Variants in SNTG1 observed in about 807,000 individuals in gnomAD.
The protein encoded by SNTG1 is gamma-1-syntrophin.
A neutral mutation model predicts 74.7 loss-of-function variants in SNTG1; 39 were observed. The ratio of observed to expected loss-of-function variants is 0.52; its 90% CI spans 0.40 to 0.68. SNTG1 has a LOEUF of 0.68. SNTG1 is among the 30% of genes least tolerant of loss of function. SNTG1 has a pLI of 0.00. For synonymous variants in SNTG1, 254 were observed against 217.1 expected (o/e 1.17, Z -1.49); for missense variants, 685 against 609.5 (o/e 1.12, Z -1.30).
chr8:50,769,408 C>T (rs968093503), intron 18 of SNTG1, among the ~76,000 whole-genome samples: 5 of 151,796 alleles, frequency 3.3e-5, no homozygotes, highest in East Asian at 1.9e-4. Flanking sequence ...AGTTGAAGAC[C>T]TTCTGGAAGC....
intron 1 of SNTG1, among the ~76,000 whole-genome samples, chr8:49,926,052 T>C (rs1254475129): frequency 6.6e-6 from 1 of 152,172 alleles, no homozygotes; most frequent in Non-Finnish European, 1.5e-5. Context: ...TTTTAAACTC[T>C]GGTTTTCATG....
chr8:50,352,898 TTACTGGGTATA>T (rs1171843973), intron 2 of SNTG1, among the ~76,000 whole-genome samples: 1 of 152,132 alleles, frequency 6.6e-6, no homozygotes, highest in Non-Finnish European at 1.5e-5. Flanking sequence ...AGCCATCCCA[TTACTGGGTATA>T]TACCCAAAGG....
chr8:50,636,737 T>C (rs1383334393), intron 13 of SNTG1, among the ~76,000 whole-genome samples: 2 of 152,116 alleles, frequency 1.3e-5, no homozygotes, highest in East Asian at 3.9e-4. Context: ...AGGTACTGTG[T>C]TTGCTCACCT....
intron 15 of SNTG1, among the ~76,000 whole-genome samples, chr8:50,660,229 A>T (rs1471428916): frequency 7.0e-6 from 1 of 143,718 alleles, no homozygotes; most frequent in Non-Finnish European, 1.5e-5. Context: ...AGAAGAAAAG[A>T]AAAGGAAAGA....
At chr8:50,055,383 TTGAA>T (rs1428636630) in intron 1 of SNTG1, among the ~76,000 whole-genome samples, 3 of 152,174 alleles carry the variant, frequency 2.0e-5, no homozygotes, top group African/African-American at 7.2e-5. Context: ...GTAAATATTT[TTGAA>T]TGAAGAAATA....
chr8:50,283,874 A>T (rs1290948154), intron 2 of SNTG1, among the ~76,000 whole-genome samples: 1 of 152,162 alleles, frequency 6.6e-6, no homozygotes, highest in African/African-American at 2.4e-5. Context: ...AAAATATATT[A>T]TGGAGAATTT....
At chr8:50,532,085 C>T (rs7008861) in intron 10 of SNTG1, among the ~76,000 whole-genome samples, 21,335 of 152,078 alleles carry the variant, frequency 0.14, 2,606 homozygotes, top group African/African-American at 0.33. Flanking sequence ...GTTATAAATT[C>T]TTCTTACTGG....
intron 2 of SNTG1, among the ~76,000 whole-genome samples, chr8:50,374,583 T>A (rs190474090): frequency 3.0e-4 from 45 of 152,300 alleles, no homozygotes; most frequent in African/African-American, 1.1e-3. Flanking sequence ...ATTGGGACTG[T>A]AGTAATTAGT....
chr8:50,571,923 C>G (rs772598989), intron 12 of SNTG1, among the ~76,000 whole-genome samples: 5 of 152,062 alleles, frequency 3.3e-5, no homozygotes, highest in Non-Finnish European at 7.4e-5. Flanking sequence ...AGCTTCAAAG[C>G]CAAGGACCCC....
At chr8:50,115,567 C>CAAAAAAAAAAAAAAAAAA (rs11386539) in intron 1 of SNTG1, among the ~76,000 whole-genome samples, 2 of 40,530 alleles carry the variant, frequency 4.9e-5, no homozygotes, top group African/African-American at 1.3e-4. Flanking sequence ...GACTCTGTCT[C>CAAAAAAAAAAAAAAAAAA]AAAAAAAAAA....
chr8:50,632,823 A>T (rs1395673144), intron 13 of SNTG1, among the ~76,000 whole-genome samples: 1 of 152,188 alleles, frequency 6.6e-6, no homozygotes, highest in African/African-American at 2.4e-5. Flanking sequence ...GGTTTAGGCT[A>T]TCAGTGTCTA....
chr8:50,189,590 C>T (rs2083494472), intron 2 of SNTG1, among the ~76,000 whole-genome samples: 1 of 152,046 alleles, frequency 6.6e-6, no homozygotes, highest in South Asian at 2.1e-4. Flanking sequence ...TGAATTTGTT[C>T]TGTGGGTAAA....
intron 4 of SNTG1, among the ~76,000 whole-genome samples, chr8:50,429,908 T>C (rs2093212583): frequency 1.3e-5 from 2 of 152,288 alleles, no homozygotes; most frequent in Middle Eastern, 3.4e-3. Flanking sequence ...AACCATTATA[T>C]ACAACTTTAT....
chr8:50,604,968 G>A (rs920112134), intron 13 of SNTG1, among the ~76,000 whole-genome samples: 11 of 152,082 alleles, frequency 7.2e-5, no homozygotes, highest in African/African-American at 2.7e-4. Context: ...GTGATGAATT[G>A]TCCCCAGACT....
At chr8:50,753,084 C>T (rs2095571700) in intron 18 of SNTG1, among the ~76,000 whole-genome samples, 1 of 151,950 alleles carries the variant, frequency 6.6e-6, no homozygotes, top group African/African-American at 2.4e-5. Context: ...TGTCTCCCAT[C>T]AGTTTAGACA....
At chr8:50,094,173 A>G (rs1388359700) in intron 1 of SNTG1, among the ~76,000 whole-genome samples, 1 of 152,104 alleles carries the variant, frequency 6.6e-6, no homozygotes, top group Non-Finnish European at 1.5e-5. Flanking sequence ...AGGACACATC[A>G]ACACTTCAAG....
chr8:50,058,315 A>G (rs1221519969), intron 1 of SNTG1, among the ~76,000 whole-genome samples: 1 of 152,156 alleles, frequency 6.6e-6, no homozygotes, highest in Non-Finnish European at 1.5e-5. Flanking sequence ...CAGACAGATG[A>G]GATTGTTTTT....
chr8:50,758,729 G>A (rs6995199), intron 18 of SNTG1, among the ~76,000 whole-genome samples: 17,815 of 151,966 alleles, frequency 0.12, 3,117 homozygotes, highest in African/African-American at 0.38. Flanking sequence ...TCATTGATGG[G>A]CATATGGGTT....
At position 50,496,542 on chromosome 8, in the gene SNTG1, C is replaced by A. The variant is rs559519612; in HGVS notation, c.364-6236C>A. On this transcript the variant is annotated intron_variant, in intron 8 of 18. Transcript: ENST00000642720. ...CGTTAGAATGGCCTCCAAGAGGAAACCAGAAAGGGCAAAGAACCAAAAAAT... is the reference window on the plus strand; with the variant it reads ...CGTTAGAATGGCCTCCAAGAGGAAAACAGAAAGGGCAAAGAACCAAAAAAT... 3.9e-5 allele frequency among the ~76,000 whole-genome samples: 6 copies of A among 152,162 alleles called. No individual in the cohort carries two copies. In the East Asian group the frequency reaches 1.2e-3, roughly 29 times the overall value.
Sources: allele counts gnomAD v4.1 joint callset (sites outside exome capture counted in the v4.1 genomes callset), GRCh38; gene constraint gnomAD v4.1.1; transcripts MANE v1.5; gene names NCBI Gene and HGNC (gene_info 2026-07-23, HGNC 2026-07-21).